Variants in SLC24A2 observed in about 807,000 individuals in gnomAD.
SLC24A2 encodes the protein sodium/potassium/calcium exchanger 2.
SLC24A2 carries 36 observed loss-of-function variants against 62.0 expected under a neutral mutation model. The observed-to-expected ratio is 0.58, with a 90% CI of 0.44 to 0.77. The LOEUF is 0.77. Ranked by LOEUF, SLC24A2 falls within the 30% of genes least tolerant of loss-of-function variation. SLC24A2 has a pLI of 0.00. For synonymous variants in SLC24A2, 358 were observed against 294.0 expected, an observed-to-expected ratio of 1.22 and a Z score of -2.23; for missense variants, 846 against 817.9, an observed-to-expected ratio of 1.03 and a Z score of -0.42.
the SLC24A2 span, among the ~76,000 whole-genome samples, chr9:19,812,964 C>G: frequency 6.6e-6 from 1 of 152,184 alleles, no homozygotes; most frequent in East Asian, 1.9e-4. Flanking sequence ...TAATCCTTGC[C>G]TCTTAGCTGA....
At chr9:19,744,706 G>A (rs1821781384) in intron 2 of SLC24A2, among the ~76,000 whole-genome samples, 1 of 152,158 alleles carries the variant, frequency 6.6e-6, no homozygotes, top group African/African-American at 2.4e-5. Context: ...GAACACTGTG[G>A]CTTGTTTCAC....
At position 19,573,485 on chromosome 9, in the gene SLC24A2, A is replaced by AACACACACAC. The variant is rs59489637; in HGVS notation, c.1229-26_1229-17dup. The AACACACACAC allele has an allele frequency of 1.1e-3, 925 of 818,730 alleles. 1 individual carries two copies. The highest frequency in any genetic ancestry group is 5.3e-3 in the African/African-American group (282 of 53,564). 50.7% of individuals were successfully genotyped at this position (818,730 alleles called of 1,614,324 possible). A position where few individuals can be genotyped will look rare whatever the true frequency, so the allele number is the denominator to read the frequency against. On this transcript the variant is annotated splice_polypyrimidine_tract_variant and intron_variant, in intron 6 of 10. Transcript: ENST00000341998. ...TCAATTTTTTCTGTGATATAATTTA[A>AACACACACAC]ACACACACACACACACACACACACA... is the stretch of plus-strand genomic sequence containing the variant.
the SLC24A2 span, among the ~76,000 whole-genome samples, chr9:20,036,126 G>T: frequency 2.0e-5 from 3 of 152,134 alleles, no homozygotes; most frequent in East Asian, 5.8e-4. Context: ...GATTCAAAGA[G>T]CTCTCCATAC....
rs770384909 is a variant in SLC24A2, at chr9:19,786,208, A to G, written c.659T>C (p.Ile220Thr). ...TCTAGAAAACAGAGCACACATGCCA[A>G]TAACAAAGAGGATGTTGAATACTGC... ...GSAVFNILFVIGMCALFSREI... is the reference protein window; with the variant it reads ...GSAVFNILFVTGMCALFSREI... The change falls in exon 2 of 11, where the codon ATT (isoleucine) becomes ACT (threonine). Residue 220 changes from isoleucine to threonine, a missense_variant. Ile to Thr is a moderately conservative substitution (Grantham distance 89). Coordinates refer to ENST00000341998, the MANE Select transcript of SLC24A2 (RefSeq NM_020344.4). This position sits in a 1 kb window ranked among gnomAD's most constrained non-coding sequence, Gnocchi z 5.0. The G allele has an allele frequency of 6.2e-7, 1 of 1,614,166 alleles. No homozygotes were observed. Among genetic ancestry groups the G allele is most frequent in the South Asian group, 1.1e-5 (1 of 91,088 alleles).
intron 7 of SLC24A2, among the ~76,000 whole-genome samples, chr9:19,558,691 A>G (rs2132786650): frequency 6.6e-6 from 1 of 152,362 alleles, no homozygotes; most frequent in South Asian, 2.1e-4. Context: ...AAAGGCCAAC[A>G]GAGCCCCATG....
the SLC24A2 span, among the ~76,000 whole-genome samples, chr9:19,917,834 G>A: frequency 1.5e-4 from 23 of 151,944 alleles, no homozygotes; most frequent in African/African-American, 5.3e-4. Context: ...TACAAATGTG[G>A]CTTTTCTTTT....
intron 4 of SLC24A2, among the ~76,000 whole-genome samples, chr9:19,608,395 G>A (rs2132929026): frequency 6.6e-6 from 1 of 152,000 alleles, no homozygotes; most frequent in South Asian, 2.1e-4. Flanking sequence ...CAGCAAGCAA[G>A]TGACAGTTTA....
At chr9:19,939,162 G>T in the SLC24A2 span, among the ~76,000 whole-genome samples, 1 of 152,176 alleles carries the variant, frequency 6.6e-6, no homozygotes. Context: ...AGCATATCCT[G>T]GTGTTCTGGA....
chr9:20,261,646 TG>T, the SLC24A2 span, among the ~76,000 whole-genome samples: 7 of 152,106 alleles, frequency 4.6e-5, no homozygotes, highest in Non-Finnish European at 1.0e-4. Flanking sequence ...CTATCATAAC[TG>T]TATTTTCATT....
the SLC24A2 span, among the ~76,000 whole-genome samples, chr9:19,803,242 TAA>T: frequency 6.6e-6 from 1 of 152,334 alleles, no homozygotes; most frequent in Non-Finnish European, 1.5e-5. Context: ...TTGGAAAACA[TAA>T]GACAGTAAAA....
intron 2 of SLC24A2, among the ~76,000 whole-genome samples, chr9:19,785,248 C>G (rs1459971798): frequency 1.3e-5 from 2 of 152,218 alleles, no homozygotes; most frequent in African/African-American, 4.8e-5. Flanking sequence ...TTAAAACTCC[C>G]TCAAATTCTA....
At chr9:19,986,004 G>GA in the SLC24A2 span, among the ~76,000 whole-genome samples, 1 of 152,062 alleles carries the variant, frequency 6.6e-6, no homozygotes, top group Non-Finnish European at 1.5e-5. Context: ...TAGGATGGGA[G>GA]AAAATATTTG....
At chr9:20,144,128 GA>G in the SLC24A2 span, among the ~76,000 whole-genome samples, 1 of 152,156 alleles carries the variant, frequency 6.6e-6, no homozygotes, top group Non-Finnish European at 1.5e-5. Context: ...AATAAAAGAA[GA>G]AACCCTTTGT....
chr9:19,590,939 G>A (rs1836531647), intron 5 of SLC24A2, among the ~76,000 whole-genome samples: 1 of 152,078 alleles, frequency 6.6e-6, no homozygotes, highest in African/African-American at 2.4e-5. Flanking sequence ...CATTGATGCG[G>A]TCACCTTTTC....
intron 7 of SLC24A2, among the ~76,000 whole-genome samples, chr9:19,571,961 T>C (rs891734761): frequency 1.3e-5 from 2 of 152,066 alleles, no homozygotes; most frequent in African/African-American, 4.8e-5. Flanking sequence ...TGAGCTTCAG[T>C]TTCCTCAACT....
chr9:19,959,291 G>A, the SLC24A2 span, among the ~76,000 whole-genome samples: 56 of 152,240 alleles, frequency 3.7e-4, 1 homozygote, highest in Middle Eastern at 3.4e-3. Flanking sequence ...AAAGAACCAA[G>A]CTACAAAAAT....
chr9:20,013,243 A>G, the SLC24A2 span, among the ~76,000 whole-genome samples: 3 of 152,036 alleles, frequency 2.0e-5, no homozygotes, highest in African/African-American at 7.2e-5. Context: ...AAAAAATAAG[A>G]TAAAAACCCA....
chr9:19,886,787 G>T, the SLC24A2 span, among the ~76,000 whole-genome samples: 1 of 152,322 alleles, frequency 6.6e-6, no homozygotes, highest in Non-Finnish European at 1.5e-5. Flanking sequence ...CAATAGTAAA[G>T]ACAGGGAATC....
the SLC24A2 span, among the ~76,000 whole-genome samples, chr9:20,076,861 GTATA>G: frequency 3.4e-3 from 358 of 105,860 alleles, 1 homozygote; most frequent in African/African-American, 0.012. Context: ...CATATCATAT[GTATA>G]TATATATATA....
Sources: allele counts gnomAD v4.1 joint callset (sites outside exome capture counted in the v4.1 genomes callset), GRCh38; gene constraint gnomAD v4.1.1; non-coding constraint Gnocchi (gnomAD v3.1); transcripts MANE v1.5; gene names NCBI Gene and HGNC (gene_info 2026-07-23, HGNC 2026-07-21).